NBAS: variants seen among roughly 807,000 people sequenced by gnomAD.
NBAS encodes the protein NBAS subunit of NRZ tethering complex.
NBAS carries 219 observed loss-of-function variants against 302.5 expected under a neutral mutation model. The observed-to-expected ratio is 0.72, with a 90% CI of 0.65 to 0.81. The LOEUF is 0.81. Among genes scored for constraint, NBAS ranks in the 30% least tolerant of loss-of-function variants. NBAS has a pLI of 0.00. For missense variants in NBAS, 2,932 were observed against 2,841.6 expected (o/e 1.03, Z -0.72); for synonymous variants, 1,118 against 1,021.6 (o/e 1.09, Z -1.80).
intron 11 of NBAS, among the ~76,000 whole-genome samples, chr2:15,502,486 G>A (rs1661616526): frequency 6.6e-6 from 1 of 152,248 alleles, no homozygotes; most frequent in South Asian, 2.1e-4. Flanking sequence ...CACCTAGGCT[G>A]GGTGGTATAG....
At chr2:15,306,838 T>TA (rs1671055758) in intron 40 of NBAS, among the ~76,000 whole-genome samples, 1 of 152,042 alleles carries the variant, frequency 6.6e-6, no homozygotes, top group Admixed American at 6.6e-5. Flanking sequence ...TTGGTAAACT[T>TA]AAAAAAATAC....
chr2:14,973,912 G>A, the NBAS span, among the ~76,000 whole-genome samples: 2 of 152,096 alleles, frequency 1.3e-5, no homozygotes, highest in Non-Finnish European at 2.9e-5. Context: ...TCTTTCTCCA[G>A]CTTTGTCTCC....
At chr2:15,263,512 C>A (rs568450927) in intron 44 of NBAS, among the ~76,000 whole-genome samples, 1 of 152,324 alleles carries the variant, frequency 6.6e-6, no homozygotes, top group South Asian at 2.1e-4. Flanking sequence ...CAAGAGTTTT[C>A]ATTCCCAGGC....
chr2:14,924,961 G>A, the NBAS span, among the ~76,000 whole-genome samples: 5 of 152,266 alleles, frequency 3.3e-5, 1 homozygote, highest in South Asian at 1.0e-3. Context: ...TCTGGCACCT[G>A]ACAGAAATCT....
intron 10 of NBAS, among the ~76,000 whole-genome samples, chr2:15,506,000 T>C (rs1028606068): frequency 6.6e-6 from 1 of 151,600 alleles, no homozygotes; most frequent in African/African-American, 2.4e-5. Context: ...AATTACAAGG[T>C]ACTCAAGGAT....
At chr2:15,526,344 C>G (rs1032824936) in intron 9 of NBAS, among the ~76,000 whole-genome samples, 1 of 151,956 alleles carries the variant, frequency 6.6e-6, no homozygotes, top group Non-Finnish European at 1.5e-5. Context: ...CCAAATTTAC[C>G]ACCTCAGTTT....
chr2:15,029,898 G>T, the NBAS span, among the ~76,000 whole-genome samples: 1 of 152,172 alleles, frequency 6.6e-6, no homozygotes, highest in Non-Finnish European at 1.5e-5. Context: ...GGAGATTCTA[G>T]GTGCTTTCAA....
chr2:15,412,778 A>C (rs1676740648), intron 25 of NBAS, among the ~76,000 whole-genome samples: 1 of 152,184 alleles, frequency 6.6e-6, no homozygotes, highest in South Asian at 2.1e-4. Context: ...GAGAGCCATG[A>C]AGGGGGGGCT....
At chr2:14,868,780 T>C in the NBAS span, among the ~76,000 whole-genome samples, 10 of 152,218 alleles carry the variant, frequency 6.6e-5, no homozygotes, top group Non-Finnish European at 1.0e-4. Context: ...TGGAAAAGTA[T>C]CCCTTCCCAC....
chr2:15,010,684 T>C, the NBAS span, among the ~76,000 whole-genome samples: 2 of 152,254 alleles, frequency 1.3e-5, no homozygotes, highest in Non-Finnish European at 2.9e-5. Flanking sequence ...TCATATCTTA[T>C]ATCAAATATT....
At chr2:15,133,326 G>A in the NBAS span, among the ~76,000 whole-genome samples, 5 of 152,126 alleles carry the variant, frequency 3.3e-5, no homozygotes, top group Non-Finnish European at 7.4e-5. Flanking sequence ...ATAGCGGGGG[G>A]GGGGCAGGGA....
In NBAS at chr2:15,366,535, T is replaced by C. The variant is rs1413060667; in HGVS notation, c.3817+45A>G. 2.1e-5 allele frequency: 32 copies of C among 1,527,968 alleles called. No individual in the cohort carries two copies. The Admixed American group carries it at 5.0e-4, about 24-fold the overall frequency. The allele number at this position is 1,527,968 out of a possible 1,614,324, so 94.7% of individuals were successfully genotyped here. On this transcript the variant is annotated intron_variant, in intron 32 of 51. Transcript: ENST00000281513. ...TATTGTCCTGCAATGATGTCAAGAA[T>C]AACATAGAAAGCTTATTCTGCAGTT...
At chr2:15,322,239 G>C (rs1396981430) in intron 38 of NBAS, among the ~76,000 whole-genome samples, 4 of 151,428 alleles carry the variant, frequency 2.6e-5, no homozygotes, top group African/African-American at 4.9e-5. Flanking sequence ...GACCTGTCAG[G>C]GGGTGGGGGG....
Position 15,379,645 on chromosome 2 carries a change from TG to T in NBAS, c.3546del (p.Phe1182LeufsTer14). The T allele has an allele frequency of 6.2e-7, 1 of 1,613,942 alleles. No individual in the cohort carries two copies. The highest frequency in any genetic ancestry group is 8.5e-7 in the Non-Finnish European group (1 of 1,179,966). ...CTATCAGTGAGGTTGGTAGAAGAAT[TG>T]AAGTACTCTCTGCTGGCAGCCAAAA... The part of the protein sequence containing the change: ...DLVLAASREY[F>X]NSSTNLTDSC... On this transcript the variant is annotated frameshift_variant, in exon 30 of 52. Coordinates refer to ENST00000281513, the MANE Select transcript of NBAS (RefSeq NM_015909.4). LOFTEE classifies it high-confidence loss of function.
intron 48 of NBAS, among the ~76,000 whole-genome samples, chr2:15,192,911 T>C (rs1308131546): frequency 6.6e-6 from 1 of 152,162 alleles, no homozygotes; most frequent in Non-Finnish European, 1.5e-5. Flanking sequence ...TAGGAAGAGA[T>C]TAACAATAAA....
At chr2:15,310,493 A>G (rs1328695526) in intron 38 of NBAS, among the ~76,000 whole-genome samples, 1 of 152,228 alleles carries the variant, frequency 6.6e-6, no homozygotes, top group Non-Finnish European at 1.5e-5. Context: ...TTCACTCAAC[A>G]TCAACAAGAA....
At chr2:15,454,894 T>C (rs958091495) in intron 21 of NBAS, among the ~76,000 whole-genome samples, 3 of 148,914 alleles carry the variant, frequency 2.0e-5, no homozygotes, top group Non-Finnish European at 4.4e-5. Context: ...TCAATACACA[T>C]AAAACTATAC....
Position 15,353,534 on chromosome 2 carries a change from C to A in NBAS, c.4089+19G>T. The A allele has an allele frequency of 6.2e-7, 1 of 1,613,822 alleles. No individual in the cohort carries two copies. Among genetic ancestry groups the A allele is most frequent in the Non-Finnish European group, 8.5e-7 (1 of 1,179,854 alleles). On this transcript the variant is annotated intron_variant, in intron 34 of 51. Coordinates refer to ENST00000281513, the MANE Select transcript of NBAS (RefSeq NM_015909.4). ...ATGGACGTCATACAGGTTAGGATTT[C>A]CTTTATCGAAGGACTTACTTCTGTC...
At chr2:15,064,644 A>C in the NBAS span, among the ~76,000 whole-genome samples, 2 of 152,220 alleles carry the variant, frequency 1.3e-5, no homozygotes, top group Admixed American at 6.5e-5. Context: ...AAATATTTAA[A>C]GAATAATTAA....
Sources: gnomAD v4.1 joint callset for allele counts (sites outside exome capture counted in the v4.1 genomes callset) on GRCh38, gnomAD v4.1.1 for gene constraint, MANE v1.5 for transcripts, NCBI Gene and HGNC (gene_info 2026-07-23, HGNC 2026-07-21) for gene names.